Variants in LEMD2 observed in about 807,000 individuals in gnomAD.
The protein encoded by LEMD2 is LEM domain nuclear envelope protein 2.
Under a neutral mutation model 58.8 loss-of-function variants are expected in LEMD2, and 34 were observed. That is an observed-to-expected ratio of 0.58 (90% CI 0.44 to 0.77). The LOEUF (loss-of-function observed/expected upper bound fraction) is 0.77, where lower values mean the gene tolerates loss of function less well. Ranked by LOEUF, LEMD2 falls within the 30% of genes least tolerant of loss-of-function variation. The pLI, the probability that LEMD2 is intolerant of heterozygous loss-of-function variation, is 0.00. For missense variants in LEMD2, 629 were observed against 717.9 expected, an observed-to-expected ratio of 0.88 and a Z score of 1.42; for synonymous variants, 298 against 308.9, an observed-to-expected ratio of 0.96 and a Z score of 0.37.
chr6:33,775,874 G>C (rs943473), intron 8 of LEMD2, among the ~76,000 whole-genome samples: 118,229 of 152,150 alleles, frequency 0.78, 46,262 homozygotes, highest in East Asian at 0.95. Context: ...CGGCTCCCAG[G>C]GAGCACTCAG....
At position 33,788,746 on chromosome 6, in the gene LEMD2, G is replaced by A. The variant is rs1561929384; in HGVS notation, c.371C>T (p.Ala124Val). The A allele has an allele frequency of 6.9e-7, 1 of 1,440,546 alleles. No homozygotes were observed. The highest frequency in any genetic ancestry group is 1.4e-5 in the South Asian group (1 of 73,504). The allele number at this position is 1,440,546 out of a possible 1,614,324, so 89.2% of individuals were successfully genotyped here. Residue 124 changes from alanine to valine, a missense_variant, in exon 1 of 9, where the codon GCC (alanine) becomes GTC (valine). Physicochemically the swap from Ala to Val is moderately conservative, Grantham distance 64. Transcript: ENST00000293760. Reference protein sequence around the residue: ...WVGSRGLAYPARPAQLRRRAS... With the variant: ...WVGSRGLAYPVRPAQLRRRAS... ...GCGGCGCCTGAGTTGCGCCGGGCGGGCAGGATAGGCGAGGCCGCGGCTCCC... is the reference window on the plus strand; with the variant it reads ...GCGGCGCCTGAGTTGCGCCGGGCGGACAGGATAGGCGAGGCCGCGGCTCCC...
intron 5 of LEMD2, chr6:33,779,119 G>C (rs1207171202): frequency 6.6e-6 from 1 of 152,166 alleles, no homozygotes; most frequent in Non-Finnish European, 1.5e-5. Flanking sequence ...CCACCCTCCA[G>C]GCTGCCTTCC....
chr6:33,786,693 C>A, intron 2 of LEMD2, 41 bp downstream of exon 2: 1 of 1,528,128 alleles, frequency 6.5e-7, no homozygotes, highest in Non-Finnish European at 9.1e-7. Flanking sequence ...AGGCTAATAT[C>A]CTCAGGAAGA....
chr6:33,772,773 C>T lies in LEMD2; in HGVS notation c.1367G>A (p.Arg456His), dbSNP rs147300954. The T allele has an allele frequency of 2.5e-6, 4 of 1,612,838 alleles. No individual in the cohort carries two copies. The highest frequency in any genetic ancestry group is 3.4e-6 in the Non-Finnish European group (4 of 1,179,498). The change falls in exon 9 of 9, where the codon CGC becomes CAC. Residue 456 changes from arginine (R) to histidine (H), a missense_variant. Transcript: ENST00000293760. ...AGCTCGGTCCCAGACACGCTTCATG[C>T]GCCTCCTGCAATGAGAGGGACGGGG... is the stretch of plus-strand genomic sequence containing the variant. ...DSLIPPQSRRRMKRVWDRAVE... is the reference protein window; with the variant it reads ...DSLIPPQSRRHMKRVWDRAVE...
At position 33,778,174 on chromosome 6, in the gene LEMD2, G is replaced by C. The variant is rs1219978705; in HGVS notation, c.1156+68C>G. 5.6e-6 allele frequency: 8 copies of C among 1,433,448 alleles called. No homozygotes were observed. The highest frequency in any genetic ancestry group is 7.4e-6 in the Non-Finnish European group (8 of 1,075,416). 88.8% of individuals were successfully genotyped at this position (1,433,448 alleles called of 1,614,324 possible). On this transcript the variant is annotated intron_variant, in intron 6 of 8. Coordinates refer to ENST00000293760, the MANE Select transcript of LEMD2 (RefSeq NM_181336.4). The surrounding 1 kb of genome is among the most constrained non-coding windows in gnomAD (Gnocchi z 4.7). ...ACCCTCCGGGCCTGGAATTTCTATA[G>C]CTCATCATTCATGCCTAGGAGTATG...
chr6:33,786,930 A>G, intron 1 of LEMD2, 156 bp from the exon 2 acceptor site: 2 of 1,447,408 alleles, frequency 1.4e-6, no homozygotes, highest in African/African-American at 1.4e-5. Flanking sequence ...TTTAAAATGC[A>G]GACAGCAAAA....
chr6:33,788,974 TCCTCGTCGCGCAGCCGGG>T lies in LEMD2; in HGVS notation c.125_142del (p.Ala42_Glu47del), dbSNP rs1561929755. 5 of 1,538,190 alleles carry T rather than the reference TCCTCGTCGCGCAGCCGGG, an allele frequency of 3.3e-6. No individual in the cohort carries two copies. The highest frequency in any genetic ancestry group is 8.7e-7 in the Non-Finnish European group (1 of 1,150,724). On this transcript the variant is annotated inframe_deletion, in exon 1 of 9. Coordinates refer to ENST00000293760, the MANE Select transcript of LEMD2 (RefSeq NM_181336.4). ...CGGCCGGGCCTCCTCCCGCAGCCGC[TCCTCGTCGCGCAGCCGGG>T]CCTCGCCCCGCAGGCGGCGCAGCTT...
chr6:33,776,026 C>G (rs546150036), intron 8 of LEMD2, among the ~76,000 whole-genome samples: 6 of 152,326 alleles, frequency 3.9e-5, no homozygotes, highest in African/African-American at 1.4e-4. Flanking sequence ...TGCCCTCCCC[C>G]ACCCTGGTTC....
Position 33,778,527 on chromosome 6 carries a change from G to C in LEMD2, c.1011-140C>G. On this transcript the variant is annotated intron_variant, in intron 5 of 8. Transcript: ENST00000293760. This position sits in a 1 kb window ranked among gnomAD's most constrained non-coding sequence, Gnocchi z 4.7. ...CTTATAGAATAGGCTTGGTATCCTG[G>C]CTGCATTCTTTCCAGAAATTTCCCA... is the stretch of plus-strand genomic sequence containing the variant. 1 of 570,474 alleles carries C rather than the reference G, an allele frequency of 1.8e-6. No homozygotes were observed. Among genetic ancestry groups the C allele is most frequent in the Non-Finnish European group, 2.8e-6 (1 of 355,130 alleles). 35.3% of individuals were successfully genotyped at this position (570,474 alleles called of 1,614,324 possible).
chr6:33,778,226 G>A lies in LEMD2; in HGVS notation c.1156+16C>T, dbSNP rs772549673. The A allele has an allele frequency of 1.4e-5, 22 of 1,567,858 alleles. No individual in the cohort carries two copies. Among genetic ancestry groups the A allele is most frequent in the Non-Finnish European group, 1.6e-5 (19 of 1,155,040 alleles). On this transcript the variant is annotated intron_variant, in intron 6 of 8. Coordinates refer to ENST00000293760, the MANE Select transcript of LEMD2 (RefSeq NM_181336.4). This position sits in a 1 kb window ranked among gnomAD's most constrained non-coding sequence, Gnocchi z 4.7. ...TTGACTGCACAGAAGGGGAGGGAAG[G>A]CGGCCGAGGACTTACACCAGAAGAA... is the stretch of plus-strand genomic sequence containing the variant.
intron 1 of LEMD2, 64 bp downstream of exon 1, chr6:33,788,317 C>T (rs1767730383): frequency 1.4e-6 from 2 of 1,467,400 alleles, no homozygotes; most frequent in Non-Finnish European, 1.8e-6. Flanking sequence ...CCGACAGGAA[C>T]GGGGGGTCCT....
chr6:33,772,340 CTT>C lies in LEMD2; in HGVS notation c.*286_*287del, dbSNP rs1308364843. ...TCAGCTGGGCCTGACAGCTGCTGCT[CTT>C]GTTTTCTATTCATGAAAACTCAACC... On this transcript the variant is annotated 3_prime_UTR_variant, in exon 9 of 9. Coordinates refer to ENST00000293760, the MANE Select transcript of LEMD2 (RefSeq NM_181336.4). The C allele has an allele frequency of 1.5e-5, 4 of 266,728 alleles. No homozygotes were observed. In the East Asian group the frequency reaches 2.5e-4, roughly 17 times the overall value. 16.5% of individuals were successfully genotyped at this position (266,728 alleles called of 1,614,324 possible).
chr6:33,779,851 G>C (rs1311887426), intron 5 of LEMD2: 1 of 443,610 alleles, frequency 2.3e-6, no homozygotes, highest in African/African-American at 2.0e-5. Flanking sequence ...ACAGGATTTA[G>C]CTGGAACACC....
chr6:33,780,094 A>G lies in LEMD2; in HGVS notation c.1010+6T>C. On this transcript the variant is annotated splice_donor_region_variant and intron_variant, in intron 5 of 8. Transcript: ENST00000293760. ...CATGCTGCGTCGCCACCCTGCCCAC[A>G]CTCACCAGATGCCCACGTCCTTGTT... is the stretch of plus-strand genomic sequence containing the variant. 1 of 1,584,302 alleles carries G rather than the reference A, an allele frequency of 6.3e-7. No homozygotes were observed. Among genetic ancestry groups the G allele is most frequent in the Non-Finnish European group, 8.6e-7 (1 of 1,163,652 alleles).
intron 1 of LEMD2, 52 bp downstream of exon 1, chr6:33,788,329 C>A: frequency 6.7e-7 from 1 of 1,492,616 alleles, no homozygotes; most frequent in Non-Finnish European, 9.0e-7. Flanking sequence ...GGGGGTCCTC[C>A]GGCGGACACA....
At position 33,775,942 on chromosome 6, in the gene LEMD2, C is replaced by G. The variant is rs148919421; in HGVS notation, c.1361+1012G>C. Among the ~76,000 whole-genome samples the G allele has an allele frequency of 2.5e-3, 381 of 152,330 alleles. 1 individual carries two copies. The highest frequency in any genetic ancestry group is 0.01 in the Middle Eastern group (3 of 294). Reference sequence around the variant, plus strand: ...GACAGCATCTGGCCAGAAACCACAGCAAGTGTCTGCTAGGGAGGGACCACA... The same window carrying G: ...GACAGCATCTGGCCAGAAACCACAGGAAGTGTCTGCTAGGGAGGGACCACA... On this transcript the variant is annotated intron_variant, in intron 8 of 8. Coordinates refer to ENST00000293760, the MANE Select transcript of LEMD2 (RefSeq NM_181336.4).
At position 33,788,483 on chromosome 6, in the gene LEMD2, G is replaced by T; in HGVS notation, c.634C>A (p.Arg212=). The part of the protein sequence containing the change: ...VGRRLERWLS[R]LLLWASLGLL... ...CCTAGGCTGGCCCAGAGCAGAAGCC[G>T]AGAGAGCCAGCGCTCCAGCCGGCGC... Residue 212 remains arginine, a synonymous_variant, in exon 1 of 9, where the codon CGG becomes AGG. Coordinates refer to ENST00000293760, the MANE Select transcript of LEMD2 (RefSeq NM_181336.4). The T allele has an allele frequency of 6.4e-7, 1 of 1,552,594 alleles. No individual in the cohort carries two copies. The highest frequency in any genetic ancestry group is 8.7e-7 in the Non-Finnish European group (1 of 1,150,062).
intron 2 of LEMD2, chr6:33,784,721 CG>C: frequency 3.1e-6 from 1 of 323,190 alleles, no homozygotes; most frequent in South Asian, 4.0e-5. Context: ...CTTGGAATGA[CG>C]GCCATTAAGA....
At chr6:33,787,983 C>G (rs1221098250) in intron 1 of LEMD2, among the ~76,000 whole-genome samples, 1 of 152,200 alleles carries the variant, frequency 6.6e-6, no homozygotes, top group Non-Finnish European at 1.5e-5. Flanking sequence ...ATCTGGAGTG[C>G]CTTCAAACAG....
Sources: gnomAD v4.1 joint callset for allele counts (sites outside exome capture counted in the v4.1 genomes callset) on GRCh38, gnomAD v4.1.1 for gene constraint, Gnocchi (gnomAD v3.1) non-coding constraint, MANE v1.5 for transcripts, NCBI Gene and HGNC (gene_info 2026-07-23, HGNC 2026-07-21) for gene names.